Variants in NOP53 observed in about 807,000 individuals in gnomAD.
NOP53 encodes NOP53 ribosome biogenesis factor.
Under a neutral mutation model 61.0 loss-of-function variants are expected in NOP53, and 40 were observed. The ratio of observed to expected loss-of-function variants is 0.66; its 90% CI spans 0.51 to 0.85. NOP53 has a LOEUF of 0.85. Ranked by LOEUF, NOP53 falls within the 40% of genes least tolerant of loss-of-function variation. NOP53 has a pLI of 0.00. For missense variants in NOP53, 689 were observed against 652.9 expected, an observed-to-expected ratio of 1.06 and a Z score of -0.60; for synonymous variants, 308 against 289.5, an observed-to-expected ratio of 1.06 and a Z score of -0.65.
In NOP53 at chr19:47,754,677, C is replaced by T; in HGVS notation, c.871-32C>T. The T allele has an allele frequency of 2.0e-6, 3 of 1,525,574 alleles. No homozygotes were observed. Among genetic ancestry groups the T allele is most frequent in the East Asian group, 2.5e-5 (1 of 40,638 alleles). The allele number at this position is 1,525,574 out of a possible 1,614,324, so 94.5% of individuals were successfully genotyped here. The stretch of plus-strand genomic sequence containing the variant: ...CTCCCTCCCCTCCCCGGGCCTCCTA[C>T]CCACCCCTGACACTGCACCCCGCCT... On this transcript the variant is annotated intron_variant, in intron 7 of 12. Transcript: ENST00000246802. This position sits in a 1 kb window ranked among gnomAD's most constrained non-coding sequence, Gnocchi z 4.2.
intron 2 of NOP53, 35 bp downstream of exon 2, chr19:47,747,066 T>C (rs745506179): frequency 1.3e-6 from 2 of 1,506,418 alleles, no homozygotes; most frequent in Non-Finnish European, 1.8e-6. Flanking sequence ...GAATGGCGGT[T>C]ATTCATTGTT....
In NOP53 at chr19:47,751,641, G is replaced by A. The variant is rs781748751; in HGVS notation, c.669+51G>A. 4.4e-6 allele frequency: 6 copies of A among 1,376,328 alleles called. No homozygotes were observed. In the East Asian group the frequency reaches 1.1e-4, roughly 26 times the overall value. 85.3% of individuals were successfully genotyped at this position (1,376,328 alleles called of 1,614,324 possible). Reference sequence around the variant, plus strand: ...GGGTGATGGGAGGGTGAGGAGGGCCGGGAGCTGCTCTGTGTTCCTGCAGTA... The same window carrying A: ...GGGTGATGGGAGGGTGAGGAGGGCCAGGAGCTGCTCTGTGTTCCTGCAGTA... On this transcript the variant is annotated intron_variant, in intron 5 of 12. Transcript: ENST00000246802.
chr19:47,750,184 CAAAG>C lies in NOP53; in HGVS notation c.299_302del (p.Lys100ArgfsTer88), dbSNP rs1967107329. 2.5e-6 allele frequency: 4 copies of C among 1,606,282 alleles called. No individual in the cohort carries two copies. The highest frequency in any genetic ancestry group is 1.3e-5 in the African/African-American group (1 of 74,828). On this transcript the variant is annotated frameshift_variant, in exon 3 of 13. Transcript: ENST00000246802. LOFTEE classifies it high-confidence loss of function. ...TTCTCTTTCCCATTCTTAGGGCTGA[CAAAG>C]AAGAGAACCAAAGTCCAGAAGAAGT...
At chr19:47,755,564 G>T in intron 9 of NOP53, 41 bp downstream of exon 9, 1 of 1,456,484 alleles carries the variant, frequency 6.9e-7, no homozygotes, top group Admixed American at 2.6e-5. Flanking sequence ...GCTGGGGAGG[G>T]GGCCGGGTCC....
At chr19:47,756,376 C>G (rs1229443569) in intron 10 of NOP53, 152 bp from the exon 11 acceptor site, 12 of 618,352 alleles carry the variant, frequency 1.9e-5, no homozygotes, top group Non-Finnish European at 3.4e-5. Context: ...ACACTGAGCC[C>G]CAGCAGCTGA....
intron 10 of NOP53, 46 bp downstream of exon 10, chr19:47,755,868 C>G (rs997902777): frequency 6.7e-7 from 1 of 1,497,226 alleles, no homozygotes; most frequent in Non-Finnish European, 9.3e-7. Context: ...AGTGATGACA[C>G]CATCCTTGCT....
chr19:47,756,600 G>C lies in NOP53; in HGVS notation c.1369G>C (p.Ala457Pro), dbSNP rs779344338. The C allele has an allele frequency of 1.9e-6, 3 of 1,614,022 alleles. No individual in the cohort carries two copies. Among genetic ancestry groups the C allele is most frequent in the East Asian group, 4.5e-5 (2 of 44,866 alleles). The stretch of plus-strand genomic sequence containing the variant: ...GAATATGATCGAGCCTCGAGAGAGA[G>C]CCAAGTAAGGGGCGGCCGGGGCTGC... The part of the protein sequence containing the change: ...RRNMIEPRER[A>P]KFKRKYKVKL... Residue 457 changes from alanine (A) to proline (P), a missense_variant, in exon 11 of 13, where the codon GCC (alanine) becomes CCC (proline). By Grantham distance (27) the Ala-to-Pro change is conservative. Transcript: ENST00000246802.
chr19:47,756,799 G>A (rs1186362879), intron 12 of NOP53, 55 bp downstream of exon 12: 2 of 1,581,926 alleles, frequency 1.3e-6, no homozygotes, highest in South Asian at 1.1e-5. Context: ...ACCCCGTGGT[G>A]CCCACCGAGT....
At chr19:47,746,065 C>T (rs1967059331) in intron 1 of NOP53, 3 of 471,114 alleles carry the variant, frequency 6.4e-6, no homozygotes, top group South Asian at 3.4e-5. Flanking sequence ...AAATACGTTC[C>T]ATGCATCCAC....
Position 47,754,624 on chromosome 19 carries a change from C to G in NOP53, c.863C>G (p.Ala288Gly), listed in dbSNP as rs749288203. ...GCCCTGCCCGCCACGGAGCAGGCCGCCACCCAGGTGAGCCCCGCACCTGCC... is the reference window on the plus strand; with the variant it reads ...GCCCTGCCCGCCACGGAGCAGGCCGGCACCCAGGTGAGCCCCGCACCTGCC... The part of the protein sequence containing the change: ...QLALPATEQA[A>G]TQESTFQELC... The change falls in exon 7 of 13, where the codon GCC becomes GGC. Residue 288 changes from alanine (A) to glycine (G), a missense_variant. Coordinates refer to ENST00000246802, the MANE Select transcript of NOP53 (RefSeq NM_015710.5). The surrounding 1 kb of genome is among the most constrained non-coding windows in gnomAD (Gnocchi z 4.2). The G allele has an allele frequency of 2.1e-5, 33 of 1,549,052 alleles. No individual in the cohort carries two copies. The highest frequency in any genetic ancestry group is 2.8e-5 in the Non-Finnish European group (32 of 1,147,272).
Position 47,754,250 on chromosome 19 carries a change from C to G in NOP53, c.766-277C>G, listed in dbSNP as rs1365579286. 4.6e-6 allele frequency: 2 copies of G among 432,918 alleles called. No homozygotes were observed. The highest frequency in any genetic ancestry group is 7.1e-5 in the Admixed American group (2 of 28,096). 26.8% of individuals were successfully genotyped at this position (432,918 alleles called of 1,614,324 possible). On this transcript the variant is annotated intron_variant, in intron 6 of 12. Coordinates refer to ENST00000246802, the MANE Select transcript of NOP53 (RefSeq NM_015710.5). This position sits in a 1 kb window ranked among gnomAD's most constrained non-coding sequence, Gnocchi z 4.2. ...TGAGATCACACCATTGCACTCCAGTCTGGGCAACAAGACAGAAACTCTATC... is the reference window on the plus strand; with the variant it reads ...TGAGATCACACCATTGCACTCCAGTGTGGGCAACAAGACAGAAACTCTATC...
chr19:47,752,036 G>A (rs1490567684), intron 5 of NOP53, among the ~76,000 whole-genome samples: 2 of 152,128 alleles, frequency 1.3e-5, no homozygotes, highest in African/African-American at 4.8e-5. Context: ...GGACCAGGGA[G>A]GTGGAGGTGG....
chr19:47,747,015 T>C lies in NOP53; in HGVS notation c.273T>C (p.Thr91=). The change falls in exon 2 of 13, where the codon ACT becomes ACC. Residue 91 remains threonine (T), a synonymous_variant. Coordinates refer to ENST00000246802, the MANE Select transcript of NOP53 (RefSeq NM_015710.5). ...APNEKLFFVD[T]GSKEKGLTKK... ...ATGAAAAACTCTTCTTCGTGGACACTGGCTCCAAGGAAAAAGGTGAGGAGA... is the reference window on the plus strand; with the variant it reads ...ATGAAAAACTCTTCTTCGTGGACACCGGCTCCAAGGAAAAAGGTGAGGAGA... 6.2e-7 allele frequency: 1 copy of C among 1,612,390 alleles called. No individual in the cohort carries two copies. The highest frequency in any genetic ancestry group is 8.5e-7 in the Non-Finnish European group (1 of 1,178,570).
rs757144946 is a variant in NOP53 at position 47,754,851 on chromosome 19, C to T, written c.1013C>T (p.Thr338Met). 27 of 1,539,372 alleles carry T rather than the reference C, an allele frequency of 1.8e-5. No individual in the cohort carries two copies. The Admixed American group carries it at 1.9e-4, about 11-fold the overall frequency. ...PARLATTEKK[T>M]EQQRRREKAV... Reference sequence around the variant, plus strand: ...CGCCTGGCCACCACAGAGAAGAAGACGGAGCAGCAGCGGCGGCGGGAGAAG... The same window carrying T: ...CGCCTGGCCACCACAGAGAAGAAGATGGAGCAGCAGCGGCGGCGGGAGAAG... The change falls in exon 8 of 13, where the codon ACG becomes ATG. Residue 338 changes from threonine (T) to methionine (M), a missense_variant. Physicochemically the swap from Thr to Met is moderately conservative, Grantham distance 81. Coordinates refer to ENST00000246802, the MANE Select transcript of NOP53 (RefSeq NM_015710.5). The surrounding 1 kb of genome is among the most constrained non-coding windows in gnomAD (Gnocchi z 4.2).
Position 47,755,808 on chromosome 19 carries a change from C to T in NOP53, c.1282C>T (p.Leu428Phe). 1 of 1,609,308 alleles carries T rather than the reference C, an allele frequency of 6.2e-7. No individual in the cohort carries two copies. Among genetic ancestry groups the T allele is most frequent in the South Asian group, 1.1e-5 (1 of 90,014 alleles). The change falls in exon 10 of 13, where the codon CTC becomes TTC. Residue 428 changes from leucine (L) to phenylalanine (F), a missense_variant. Leu to Phe is a conservative substitution (Grantham distance 22). Transcript: ENST00000246802. ...GCTGAGCTCGGAGCTGACAGACTCGCTCAGGACCCTGAAGGTGCTCACTGT... is the reference window on the plus strand; with the variant it reads ...GCTGAGCTCGGAGCTGACAGACTCGTTCAGGACCCTGAAGGTGCTCACTGT... ...VQLSSELTDS[L>F]RTLKPEGNIL... is the part of the protein sequence containing the mutation.
At position 47,756,756 on chromosome 19, in the gene NOP53, C is replaced by A; in HGVS notation, c.1430+12C>A. 1 of 1,612,742 alleles carries A rather than the reference C, an allele frequency of 6.2e-7. No homozygotes were observed. The highest frequency in any genetic ancestry group is 8.5e-7 in the Non-Finnish European group (1 of 1,179,596). On this transcript the variant is annotated intron_variant, in intron 12 of 12. Transcript: ENST00000246802. Reference sequence around the variant, plus strand: ...TTCCGTGAGATCCAGTGAGTCCACCCGGCTTCGGCGCAAGGAAGGGAGCCC... The same window carrying A: ...TTCCGTGAGATCCAGTGAGTCCACCAGGCTTCGGCGCAAGGAAGGGAGCCC...
At position 47,756,634 on chromosome 19, in the gene NOP53, G is replaced by A. The variant is rs369464228; in HGVS notation, c.1373+30G>A. 55 of 1,612,646 alleles carry A rather than the reference G, an allele frequency of 3.4e-5. No homozygotes were observed. In the East Asian group the frequency reaches 4.7e-4, roughly 14 times the overall value. ...GGGGCGGCCGGGGCTGCTGTGGGGC[G>A]AGGGCATCTGGGATTGGCCCCGGGC... is the stretch of plus-strand genomic sequence containing the variant. On this transcript the variant is annotated intron_variant, in intron 11 of 12. Transcript: ENST00000246802.
chr19:47,751,615 T>C (rs1397132550), intron 5 of NOP53, 25 bp downstream of exon 5: 1 of 1,583,738 alleles, frequency 6.3e-7, no homozygotes, highest in Non-Finnish European at 8.7e-7. Context: ...AAGGGCATCC[T>C]GGGTGATGGG....
chr19:47,750,383 G>T (rs1351778090), intron 3 of NOP53, 97 bp downstream of exon 3: 17 of 748,704 alleles, frequency 2.3e-5, no homozygotes, highest in Non-Finnish European at 4.0e-5. Flanking sequence ...GTCATTTGAA[G>T]GGTAGGGCAG....
Sources: allele counts gnomAD v4.1 joint callset (sites outside exome capture counted in the v4.1 genomes callset), GRCh38; gene constraint gnomAD v4.1.1; non-coding constraint Gnocchi (gnomAD v3.1); transcripts MANE v1.5; gene names NCBI Gene and HGNC (gene_info 2026-07-23, HGNC 2026-07-21).